The following MXRA7 variants were observed in gnomAD, a reference collection of about 807,000 sequenced individuals.
MXRA7 encodes matrix-remodeling-associated protein 7.
A neutral mutation model predicts 17.4 loss-of-function variants in MXRA7; 18 were observed. The observed-to-expected ratio is 1.03, with a 90% CI of 0.71 to 1.53. The LOEUF (loss-of-function observed/expected upper bound fraction) is 1.53, where lower values mean the gene tolerates loss of function less well. MXRA7 is among the 40% of genes most tolerant of loss of function. MXRA7 has a pLI of 0.00. For missense variants in MXRA7, 141 were observed against 209.3 expected, an observed-to-expected ratio of 0.67 and a Z score of 2.01; for synonymous variants, 70 against 101.7, an observed-to-expected ratio of 0.69 and a Z score of 1.87.
chr17:76,698,391 C>T (rs552318767), intron 1 of MXRA7, among the ~76,000 whole-genome samples: 46 of 151,374 alleles, frequency 3.0e-4, no homozygotes, highest in African/African-American at 1.0e-3. Flanking sequence ...GCCCAGCTGG[C>T]GCCAGCTCCG....
chr17:76,704,348 G>C, intron 1 of MXRA7, among the ~76,000 whole-genome samples: 1 of 150,048 alleles, frequency 6.7e-6, no homozygotes, highest in Non-Finnish European at 1.5e-5. Flanking sequence ...TGGGACTACA[G>C]GTGCCCGCCA....
chr17:76,683,599 G>C (rs1338443713), intron 3 of MXRA7, among the ~76,000 whole-genome samples: 1 of 152,184 alleles, frequency 6.6e-6, no homozygotes, highest in African/African-American at 2.4e-5. Flanking sequence ...CAACCTGCCG[G>C]CCCATTAGGC....
chr17:76,689,708 GA>G (rs1199204759), intron 1 of MXRA7: 1 of 152,118 alleles, frequency 6.6e-6, no homozygotes, highest in Non-Finnish European at 1.5e-5. Flanking sequence ...GCGTGCAGTT[GA>G]AAAGACAGAA....
intron 1 of MXRA7, among the ~76,000 whole-genome samples, chr17:76,690,538 C>T (rs1598348781): frequency 1.3e-5 from 2 of 151,902 alleles, no homozygotes; most frequent in South Asian, 2.1e-4. Context: ...GTGCACACCT[C>T]GCCTCTACTG....
intron 1 of MXRA7, chr17:76,688,436 C>T: frequency 1.5e-6 from 2 of 1,362,472 alleles, no homozygotes; most frequent in Middle Eastern, 1.9e-4. Flanking sequence ...CTTGGCCTTT[C>T]CCAGGTGGGT....
chr17:76,673,421 T>C (rs1026740865), exon 4 of MXRA7: 4 of 152,298 alleles, frequency 2.6e-5, no homozygotes, highest in African/African-American at 7.2e-5. Context: ...CCTGCAGATA[T>C]GATTCAGAGG....
rs545932088 is a variant in MXRA7, at chr17:76,692,204, C to A, written c.343-4028G>T. Among the ~76,000 whole-genome samples, 675 of 137,160 alleles carry A rather than the reference C, an allele frequency of 4.9e-3. 11 individuals are homozygous for A. Among genetic ancestry groups the A allele is most frequent in the African/African-American group, 0.016 (648 of 39,776 alleles). The allele number at this position is 137,160 out of a possible 152,430, so 90.0% of individuals were successfully genotyped here. A position where few individuals can be genotyped will look rare whatever the true frequency, so the allele number is the denominator to read the frequency against. On this transcript the variant is annotated intron_variant, in intron 1 of 3. Transcript: ENST00000449428. ...CATTCCAGCCTGGGCAAGAGTAAGA[C>A]CCTGTCACCAAAAGAAAAAAAAAAT... is the stretch of plus-strand genomic sequence containing the variant.
intron 3 of MXRA7, chr17:76,683,982 C>G: frequency 1.4e-6 from 2 of 1,389,556 alleles, no homozygotes; most frequent in South Asian, 2.3e-5. Context: ...TCCTCAGCAC[C>G]TGAGGACTCG....
chr17:76,702,517 A>AT (rs1408029208), intron 1 of MXRA7, among the ~76,000 whole-genome samples: 1 of 116,976 alleles, frequency 8.5e-6, no homozygotes, highest in Non-Finnish European at 1.7e-5. Flanking sequence ...AAATAAATAA[A>AT]AGAAGAAGAA....
intron 2 of MXRA7, among the ~76,000 whole-genome samples, chr17:76,685,955 G>A (rs1030912666): frequency 6.6e-6 from 1 of 152,142 alleles, no homozygotes; most frequent in African/African-American, 2.4e-5. Flanking sequence ...GCCTCTTATC[G>A]ACCTCCACTA....
rs1459716901 is a variant in MXRA7 at position 76,679,951 on chromosome 17, TA to T, written c.*915del. On this transcript the variant is annotated 3_prime_UTR_variant, in exon 4 of 4. Coordinates refer to ENST00000449428, the MANE Select transcript of MXRA7 (RefSeq NM_198530.4). The stretch of plus-strand genomic sequence containing the variant: ...TTCCATTAAATGAAAACATTTTCTA[TA>T]AACTTACTGCTTTAAAAAAATGTTT... The T allele has an allele frequency of 2.2e-6, 1 of 464,426 alleles. No individual in the cohort carries two copies. Among genetic ancestry groups the T allele is most frequent in the African/African-American group, 2.2e-5 (1 of 44,570 alleles). The allele number at this position is 464,426 out of a possible 1,614,324, so 28.8% of individuals were successfully genotyped here.
intron 1 of MXRA7, among the ~76,000 whole-genome samples, chr17:76,702,678 T>G (rs1469097178): frequency 6.6e-6 from 1 of 151,282 alleles, no homozygotes; most frequent in Non-Finnish European, 1.5e-5. Context: ...CACGCGAAAC[T>G]TCATCTCTAC....
At chr17:76,701,472 T>C (rs920276625) in intron 1 of MXRA7, among the ~76,000 whole-genome samples, 1 of 151,660 alleles carries the variant, frequency 6.6e-6, no homozygotes, top group East Asian at 1.9e-4. Context: ...GCCAGGGAGC[T>C]CAGGGGAGGC....
Position 76,705,564 on chromosome 17 carries a change from C to A in MXRA7, c.342+5041G>T, listed in dbSNP as rs143669755. Among the ~76,000 whole-genome samples the A allele has an allele frequency of 2.5e-3, 378 of 152,200 alleles. 4 individuals are homozygous for A. Among genetic ancestry groups the A allele is most frequent in the African/African-American group, 8.7e-3 (360 of 41,540 alleles). On this transcript the variant is annotated intron_variant, in intron 1 of 3. Transcript: ENST00000449428. ...CAAATCTATCTGTTGAAGTCTTAACCCCCAGTGTGATGGTATCTGGAGGTG... is the reference window on the plus strand; with the variant it reads ...CAAATCTATCTGTTGAAGTCTTAACACCCAGTGTGATGGTATCTGGAGGTG...
chr17:76,685,689 C>T (rs952360905), intron 2 of MXRA7, among the ~76,000 whole-genome samples: 1 of 152,184 alleles, frequency 6.6e-6, no homozygotes, highest in African/African-American at 2.4e-5. Flanking sequence ...AGGCAGAGCC[C>T]GATTTGCCAG....
chr17:76,680,763 C>T lies in MXRA7; in HGVS notation c.*104G>A. The T allele has an allele frequency of 3.9e-6, 6 of 1,528,920 alleles. No individual in the cohort carries two copies. Among genetic ancestry groups the T allele is most frequent in the South Asian group, 1.2e-5 (1 of 80,232 alleles). 94.7% of individuals were successfully genotyped at this position (1,528,920 alleles called of 1,614,324 possible). A position where few individuals can be genotyped will look rare whatever the true frequency, so the allele number is the denominator to read the frequency against. ...GCAGATTTATGGAGGCAGCATGCAC[C>T]CTGGGAGCCTGCCCAGACTCCTCTC... is the stretch of plus-strand genomic sequence containing the variant. On this transcript the variant is annotated 3_prime_UTR_variant, in exon 4 of 4. Transcript: ENST00000449428.
At chr17:76,693,380 G>A (rs913365493) in intron 1 of MXRA7, among the ~76,000 whole-genome samples, 11 of 150,228 alleles carry the variant, frequency 7.3e-5, no homozygotes, top group African/African-American at 1.2e-4. Flanking sequence ...CAGGAGAATC[G>A]TTGGACCCTG....
At chr17:76,687,342 T>C (rs1447721239) in intron 2 of MXRA7, among the ~76,000 whole-genome samples, 1 of 152,242 alleles carries the variant, frequency 6.6e-6, no homozygotes, top group Non-Finnish European at 1.5e-5. Context: ...AAACCTTCTC[T>C]TTCCACTGCT....
At chr17:76,679,287 C>CAAAAAAAGG (rs370919160), downstream of MXRA7, among the ~76,000 whole-genome samples, 344 of 121,670 alleles carry the variant, frequency 2.8e-3, 5 homozygotes, top group African/African-American at 0.012. Flanking sequence ...GGCCCTGTCT[C>CAAAAAAAGG]AAAAAAAAAA....
Sources: allele counts gnomAD v4.1 joint callset (sites outside exome capture counted in the v4.1 genomes callset), GRCh38; gene constraint gnomAD v4.1.1; transcripts MANE v1.5; gene names NCBI Gene and HGNC (gene_info 2026-07-23, HGNC 2026-07-21).